KCNH1: variants seen among roughly 807,000 people sequenced by gnomAD.
KCNH1 encodes the protein voltage-gated delayed rectifier potassium channel KCNH1.
A neutral mutation model predicts 69.2 loss-of-function variants in KCNH1; 27 were observed. The ratio of observed to expected loss-of-function variants is 0.39; its 90% CI spans 0.29 to 0.54. The LOEUF (loss-of-function observed/expected upper bound fraction) is 0.54, where lower values mean the gene tolerates loss of function less well. KCNH1 is among the 20% of genes least tolerant of loss of function. The pLI is 0.68. For missense variants in KCNH1, 798 were observed against 1,261.6 expected (o/e 0.63, Z 5.57); for synonymous variants, 456 against 487.7 (o/e 0.93, Z 0.86).
At chr1:210,860,483 C>A in intron 7 of KCNH1, 1 of 842,668 alleles carries the variant, frequency 1.2e-6, no homozygotes. Context: ...TCATCACTAC[C>A]TTCTTCATCT....
intron 7 of KCNH1, among the ~76,000 whole-genome samples, chr1:210,817,771 G>T (rs1439468476): frequency 6.6e-6 from 1 of 152,178 alleles, no homozygotes; most frequent in Admixed American, 6.5e-5. Flanking sequence ...TAGTTAGTAA[G>T]CATACATAGA....
intron 1 of KCNH1, among the ~76,000 whole-genome samples, chr1:211,111,505 T>A (rs1404792096): frequency 7.0e-6 from 1 of 142,024 alleles, no homozygotes; most frequent in Non-Finnish European, 1.5e-5. Flanking sequence ...GGCCTCTCCT[T>A]GGCCGCCAAA....
intron 6 of KCNH1, among the ~76,000 whole-genome samples, chr1:211,017,484 C>G (rs1689513815): frequency 6.6e-6 from 1 of 152,162 alleles, no homozygotes; most frequent in South Asian, 2.1e-4. Context: ...CCTCTGTAAT[C>G]TGAAGCAATG....
chr1:211,090,437 A>C (rs750979602), intron 4 of KCNH1, 125 bp downstream of exon 4: 1 of 813,840 alleles, frequency 1.2e-6, no homozygotes, highest in African/African-American at 1.8e-5. Flanking sequence ...TGCTCTATAC[A>C]AATTAAAGTT....
chr1:211,032,295 A>C (rs889088063), intron 5 of KCNH1, among the ~76,000 whole-genome samples: 1 of 152,246 alleles, frequency 6.6e-6, no homozygotes, highest in Non-Finnish European at 1.5e-5. Flanking sequence ...TTCCATGCTC[A>C]TGGGAAGGAA....
intron 7 of KCNH1, among the ~76,000 whole-genome samples, chr1:210,825,194 T>G (rs1273616234): frequency 6.6e-6 from 1 of 152,190 alleles, no homozygotes; most frequent in African/African-American, 2.4e-5. Context: ...TTCTTTCAAG[T>G]AAAAATGGTG....
In KCNH1 at chr1:210,918,652, C is replaced by T. The variant is rs1416245584; in HGVS notation, c.1462+988G>A. 2.0e-5 allele frequency among the ~76,000 whole-genome samples: 3 copies of T among 152,126 alleles called. No individual in the cohort carries two copies. The East Asian group carries it at 5.8e-4, about 29-fold the overall frequency. ...CAAGAACTAAGGTTGTTTTTCAGTC[C>T]AATAAAGTTACTCCAATAACCTATT... On this transcript the variant is annotated intron_variant, in intron 7 of 10. Transcript: ENST00000271751.
Position 210,959,793 on chromosome 1 carries a change from T to C in KCNH1, c.1033-39724A>G, listed in dbSNP as rs549862233. ...CAGTATTTAGGCGGGAATGTACCAA[T>C]CTTCCAGGGACAGTCTGTCATGGCT... On this transcript the variant is annotated intron_variant, in intron 6 of 10. Transcript: ENST00000271751. Among the ~76,000 whole-genome samples the C allele has an allele frequency of 3.9e-5, 6 of 152,300 alleles. No individual in the cohort carries two copies. The South Asian group carries it at 1.2e-3, about 32-fold the overall frequency.
At chr1:210,856,256 A>G (rs1574298763) in intron 7 of KCNH1, among the ~76,000 whole-genome samples, 2 of 152,124 alleles carry the variant, frequency 1.3e-5, no homozygotes, top group African/African-American at 4.8e-5. Context: ...TTCATGTAGC[A>G]CTCCCAAACC....
chr1:210,887,672 T>C (rs963124277), intron 7 of KCNH1, among the ~76,000 whole-genome samples: 2 of 122,182 alleles, frequency 1.6e-5, no homozygotes, highest in African/African-American at 3.2e-5. Context: ...AAGATGCACA[T>C]AGGCTCAAAA....
chr1:211,020,679 G>T (rs761004222), intron 5 of KCNH1, among the ~76,000 whole-genome samples: 6 of 151,350 alleles, frequency 4.0e-5, no homozygotes, highest in Non-Finnish European at 7.4e-5. Context: ...CCAGACAAAG[G>T]CAAAACAAAA....
At chr1:210,740,703 AATT>A (rs1482245803) in intron 10 of KCNH1, among the ~76,000 whole-genome samples, 1 of 135,526 alleles carries the variant, frequency 7.4e-6, no homozygotes, top group African/African-American at 3.2e-5. Flanking sequence ...TTTATGATTA[AATT>A]TTTTTTTTTT....
intron 5 of KCNH1, among the ~76,000 whole-genome samples, chr1:211,045,899 T>A (rs74329482): frequency 0.048 from 7,308 of 152,256 alleles, 265 homozygotes; most frequent in Non-Finnish European, 0.07. Flanking sequence ...TAAGTTTGAC[T>A]ATTTTGGGTT....
At chr1:210,704,335 T>C (rs1474147573) in intron 10 of KCNH1, among the ~76,000 whole-genome samples, 2 of 152,132 alleles carry the variant, frequency 1.3e-5, no homozygotes, top group Non-Finnish European at 2.9e-5. Context: ...AGAAGATTAG[T>C]AGGCCTATCA....
At chr1:210,917,026 TAA>T in intron 7 of KCNH1, among the ~76,000 whole-genome samples, 1 of 151,762 alleles carries the variant, frequency 6.6e-6, no homozygotes, top group Non-Finnish European at 1.5e-5. Flanking sequence ...TGCGTGCCTA[TAA>T]GCCCAGCTAC....
intron 5 of KCNH1, among the ~76,000 whole-genome samples, chr1:211,052,554 C>T (rs1690226561): frequency 6.6e-6 from 1 of 152,174 alleles, no homozygotes; most frequent in African/African-American, 2.4e-5. Flanking sequence ...CACTTTTCCC[C>T]TAGTCTGAGG....
chr1:210,734,829 G>A (rs929617173), intron 10 of KCNH1, among the ~76,000 whole-genome samples: 2 of 152,080 alleles, frequency 1.3e-5, no homozygotes, highest in Non-Finnish European at 2.9e-5. Context: ...GTTGTTTGAA[G>A]GACTAAAGGA....
chr1:210,949,823 C>T (rs1028739267), intron 6 of KCNH1, among the ~76,000 whole-genome samples: 4 of 152,180 alleles, frequency 2.6e-5, no homozygotes, highest in African/African-American at 7.2e-5. Flanking sequence ...AACACGGAGC[C>T]GCTCACTCCA....
intron 10 of KCNH1, among the ~76,000 whole-genome samples, chr1:210,690,097 GA>G (rs1451646580): frequency 6.6e-6 from 1 of 152,240 alleles, no homozygotes; most frequent in Admixed American, 6.5e-5. Context: ...TGGAGTGGGG[GA>G]TGACCCTGGT....
Sources: allele counts gnomAD v4.1 joint callset (sites outside exome capture counted in the v4.1 genomes callset), GRCh38; gene constraint gnomAD v4.1.1; transcripts MANE v1.5; gene names NCBI Gene and HGNC (gene_info 2026-07-23, HGNC 2026-07-21).